Variants in CAMTA1 observed in about 807,000 individuals in gnomAD.
CAMTA1 encodes calmodulin binding transcription activator 1, also known as calmodulin-binding transcription activator 1.
A neutral mutation model predicts 170.9 loss-of-function variants in CAMTA1; 27 were observed. That is an observed-to-expected ratio of 0.16 (90% CI 0.12 to 0.22). The LOEUF (loss-of-function observed/expected upper bound fraction) is 0.22, where lower values mean the gene tolerates loss of function less well. Among genes scored for constraint, CAMTA1 ranks in the 10% least tolerant of loss-of-function variants. The pLI, the probability that CAMTA1 is intolerant of heterozygous loss-of-function variation, is 1.00. For synonymous variants in CAMTA1, 833 were observed against 891.5 expected (o/e 0.93, Z 1.17); for missense variants, 1,619 against 2,217.2 (o/e 0.73, Z 5.42).
intron 6 of CAMTA1, among the ~76,000 whole-genome samples, chr1:7,625,366 T>A (rs1576461588): frequency 6.6e-6 from 1 of 152,234 alleles, no homozygotes; most frequent in East Asian, 1.9e-4. Flanking sequence ...TCAGACTTGG[T>A]GGCCATGGAG....
At chr1:7,183,147 C>T (rs1573718187) in intron 4 of CAMTA1, among the ~76,000 whole-genome samples, 1 of 152,134 alleles carries the variant, frequency 6.6e-6, no homozygotes, top group East Asian at 1.9e-4. Context: ...CCTCAGGAAA[C>T]TTTTAATCAT....
In CAMTA1 at chr1:6,988,303, C is replaced by T. The variant is rs148017253; in HGVS notation, c.235-103001C>T. ...CTGCACAGGGCTCCATCCTGCATCC[C>T]GGCACCCCACCAAGTGTTAGGGAGT... On this transcript the variant is annotated intron_variant, in intron 3 of 22. Transcript: ENST00000303635. Among the ~76,000 whole-genome samples, 32 of 152,202 alleles carry T rather than the reference C, an allele frequency of 2.1e-4. No homozygotes were observed. The South Asian group carries it at 4.8e-3, about 23-fold the overall frequency.
intron 4 of CAMTA1, among the ~76,000 whole-genome samples, chr1:7,213,431 T>C (rs558740272): frequency 1.7e-3 from 258 of 152,220 alleles, no homozygotes; most frequent in Admixed American, 3.8e-3. Context: ...CCTTTTGGAG[T>C]CCTTTGTCCA....
At chr1:7,264,048 C>T (rs1448490799) in intron 5 of CAMTA1, among the ~76,000 whole-genome samples, 1 of 152,306 alleles carries the variant, frequency 6.6e-6, no homozygotes, top group East Asian at 1.9e-4. Context: ...TGGGGGTCAG[C>T]TCAGTGTCTT....
chr1:7,235,262 G>A (rs988765589), intron 4 of CAMTA1, among the ~76,000 whole-genome samples: 5 of 152,224 alleles, frequency 3.3e-5, no homozygotes, highest in Middle Eastern at 3.4e-3. Context: ...GGGTTATAGC[G>A]AGGATTCGAT....
chr1:7,544,101 C>T (rs2094653077), intron 6 of CAMTA1, among the ~76,000 whole-genome samples: 1 of 152,246 alleles, frequency 6.6e-6, no homozygotes, highest in East Asian at 1.9e-4. Flanking sequence ...AAAGACATAC[C>T]TGAGACTGGG....
chr1:7,758,895 A>G (rs778328904), intron 22 of CAMTA1, among the ~76,000 whole-genome samples: 2 of 144,414 alleles, frequency 1.4e-5, no homozygotes, highest in African/African-American at 2.6e-5. Context: ...AGATAGCGCC[A>G]CTGCAGTCCG....
At chr1:6,935,904 G>A (rs1036113371) in intron 3 of CAMTA1, among the ~76,000 whole-genome samples, 1 of 152,110 alleles carries the variant, frequency 6.6e-6, no homozygotes. Flanking sequence ...GTGGGCTCAG[G>A]GTCTCAGAAG....
intron 3 of CAMTA1, among the ~76,000 whole-genome samples, chr1:6,891,078 T>C (rs1033503307): frequency 1.3e-5 from 2 of 152,194 alleles, no homozygotes; most frequent in African/African-American, 2.4e-5. Context: ...TCCTGACACA[T>C]TGACCTATGC....
intron 6 of CAMTA1, among the ~76,000 whole-genome samples, chr1:7,594,465 AGGGGATGCCTT>A (rs1437338496): frequency 6.6e-6 from 1 of 152,200 alleles, no homozygotes. Flanking sequence ...TTCAAATCGC[AGGGGATGCCTT>A]GGGGCATTTC....
intron 5 of CAMTA1, among the ~76,000 whole-genome samples, chr1:7,350,234 A>G (rs2149878257): frequency 6.6e-6 from 1 of 152,230 alleles, no homozygotes; most frequent in South Asian, 2.1e-4. Flanking sequence ...CCTCATTGGC[A>G]GGAACAGTGG....
At chr1:7,659,292 T>C (rs1576658793) in intron 7 of CAMTA1, among the ~76,000 whole-genome samples, 1 of 151,886 alleles carries the variant, frequency 6.6e-6, no homozygotes, top group East Asian at 1.9e-4. Context: ...CCCAGCACTT[T>C]GGGAGGCCAA....
chr1:7,085,083 A>G (rs1043960492), intron 3 of CAMTA1, among the ~76,000 whole-genome samples: 1 of 152,216 alleles, frequency 6.6e-6, no homozygotes, highest in South Asian at 2.1e-4. Context: ...TGCTGCACCC[A>G]TCAACCCGTC....
At chr1:7,088,515 A>G (rs1259509600) in intron 3 of CAMTA1, among the ~76,000 whole-genome samples, 5 of 152,246 alleles carry the variant, frequency 3.3e-5, no homozygotes, top group Admixed American at 2.0e-4. Context: ...GTAGATGCTC[A>G]GTAAGTGTTT....
chr1:7,473,641 C>A (rs554277925), intron 6 of CAMTA1, among the ~76,000 whole-genome samples: 10 of 152,352 alleles, frequency 6.6e-5, no homozygotes, highest in African/African-American at 2.2e-4. Context: ...GGGGCCCCCT[C>A]ACTGCTGAAG....
At chr1:7,644,799 T>C (rs938074818) in intron 7 of CAMTA1, among the ~76,000 whole-genome samples, 32 of 152,230 alleles carry the variant, frequency 2.1e-4, no homozygotes, top group Non-Finnish European at 1.5e-5. Context: ...TGCTTTGTAG[T>C]TCCATCCTAA....
intron 7 of CAMTA1, among the ~76,000 whole-genome samples, chr1:7,652,510 G>GCTT (rs895691711): frequency 2.6e-5 from 4 of 152,176 alleles, no homozygotes; most frequent in African/African-American, 9.7e-5. Context: ...TGCCCACTAA[G>GCTT]GCCCCAGCCA....
chr1:7,219,666 G>C (rs1660396478), intron 4 of CAMTA1: 1 of 151,926 alleles, frequency 6.6e-6, no homozygotes, highest in Admixed American at 6.6e-5. Context: ...TTTGGAGATG[G>C]GGTCTTTGGG....
Position 7,455,676 on chromosome 1 carries a change from G to A in CAMTA1, c.439-12154G>A, listed in dbSNP as rs1162223559. 6.6e-6 allele frequency among the ~76,000 whole-genome samples: 1 copy of A among 152,214 alleles called. No homozygotes were observed. The highest frequency in any genetic ancestry group is 1.5e-5 in the Non-Finnish European group (1 of 68,038). ...ACGTGGCGTCACAGGTGCCTAGAGCGGGCGGCGCTGGGGAGCTGGATGCCA... is the reference window on the plus strand; with the variant it reads ...ACGTGGCGTCACAGGTGCCTAGAGCAGGCGGCGCTGGGGAGCTGGATGCCA... On this transcript the variant is annotated intron_variant, in intron 5 of 22. Transcript: ENST00000303635. The surrounding 1 kb of genome is among the most constrained non-coding windows in gnomAD (Gnocchi z 5.0).
Sources: gnomAD v4.1 joint callset for allele counts (sites outside exome capture counted in the v4.1 genomes callset) on GRCh38, gnomAD v4.1.1 for gene constraint, Gnocchi (gnomAD v3.1) non-coding constraint, MANE v1.5 for transcripts, NCBI Gene and HGNC (gene_info 2026-07-23, HGNC 2026-07-21) for gene names.